The following HNRNPC variants were observed in gnomAD, a reference collection of about 807,000 sequenced individuals.
HNRNPC encodes the protein heterogeneous nuclear ribonucleoproteins C1/C2.
HNRNPC carries 3 observed loss-of-function variants against 33.2 expected under a neutral mutation model. That is an observed-to-expected ratio of 0.09 (90% CI 0.04 to 0.23). HNRNPC has a LOEUF of 0.23. Ranked by LOEUF, HNRNPC falls within the 10% of genes least tolerant of loss-of-function variation. The pLI is 1.00. For missense variants in HNRNPC, 143 were observed against 366.7 expected (o/e 0.39, Z 4.98); for synonymous variants, 121 against 126.7 (o/e 0.96, Z 0.30).
At chr14:21,212,110 T>C (rs1891673967) in intron 6 of HNRNPC, 187 bp from the exon 7 acceptor site, 1 of 555,146 alleles carries the variant, frequency 1.8e-6, no homozygotes, top group Non-Finnish European at 3.2e-6. Flanking sequence ...TGGTTTTTAT[T>C]GTTTTTAATG....
At chr14:21,265,801 C>G (rs538281096) in intron 1 of HNRNPC, among the ~76,000 whole-genome samples, 151 of 152,266 alleles carry the variant, frequency 9.9e-4, no homozygotes, top group African/African-American at 3.3e-3. Flanking sequence ...TTACCTAAAG[C>G]TCAGAGATAG....
intron 2 of HNRNPC, among the ~76,000 whole-genome samples, chr14:21,252,936 G>C (rs1896827601): frequency 6.6e-6 from 1 of 152,166 alleles, no homozygotes; most frequent in African/African-American, 2.4e-5. Context: ...AGCACTTTGG[G>C]AGGCCGAGGC....
intron 1 of HNRNPC, chr14:21,263,723 TA>T (rs1878552451): frequency 6.6e-6 from 1 of 152,168 alleles, no homozygotes; most frequent in Admixed American, 6.5e-5. Flanking sequence ...AATGTCTTTA[TA>T]AAATCAGTTT....
chr14:21,212,657 C>T (rs1891745283), intron 6 of HNRNPC, among the ~76,000 whole-genome samples: 1 of 152,048 alleles, frequency 6.6e-6, no homozygotes, highest in Non-Finnish European at 1.5e-5. Context: ...ATTCTCCTGC[C>T]TCAGCCTCCC....
At chr14:21,211,616 C>G (rs10145423) in intron 7 of HNRNPC, 50 bp from the exon 8 acceptor site, 5 of 1,562,110 alleles carry the variant, frequency 3.2e-6, no homozygotes, top group Non-Finnish European at 2.6e-6. Context: ...GTCCACAGGA[C>G]GTAGACAATC....
intron 5 of HNRNPC, 182 bp from the exon 6 acceptor site, chr14:21,213,299 T>C (rs926595254): frequency 8.4e-6 from 5 of 595,328 alleles, no homozygotes; most frequent in Admixed American, 6.4e-5. Context: ...CATTATTTCT[T>C]TACCTAGGCA....
chr14:21,253,205 G>A (rs1182571968), intron 2 of HNRNPC, among the ~76,000 whole-genome samples: 7 of 127,264 alleles, frequency 5.5e-5, no homozygotes, highest in Non-Finnish European at 1.0e-4. Flanking sequence ...GGCCAGGCGC[G>A]GTGGCTCACG....
chr14:21,211,441 C>T lies in HNRNPC; in HGVS notation c.763G>A (p.Asp255Asn). ...DDSAEEGDLL[D>N]DDDNEDRGDD... ...CCCCGATCTTCATTATCATCATCAT[C>T]CAGTAGGTCCCCCTCCTCAGCAGAG... is the stretch of plus-strand genomic sequence containing the variant. The change falls in exon 8 of 9, where the codon GAT becomes AAT. Residue 255 changes from aspartate (D) to asparagine (N), a missense_variant. Asp to Asn is a conservative substitution (Grantham distance 23, BLOSUM62 1). This residue lies in a region of HNRNPC where 131 missense variants were observed against 253.0 expected (regional missense o/e 0.52). Coordinates refer to ENST00000553300, the MANE Select transcript of HNRNPC (RefSeq NM_004500.4). The T allele has an allele frequency of 6.3e-7, 1 of 1,589,472 alleles. No individual in the cohort carries two copies. Among genetic ancestry groups the T allele is most frequent in the Non-Finnish European group, 8.6e-7 (1 of 1,166,316 alleles).
In HNRNPC at chr14:21,231,298, T is replaced by C. The variant is rs1328337971; in HGVS notation, c.242-226A>G. The C allele has an allele frequency of 4.7e-6, 3 of 641,408 alleles. No homozygotes were observed. The African/African-American group carries it at 5.4e-5, about 11-fold the overall frequency. The allele number at this position is 641,408 out of a possible 1,614,324, so 39.7% of individuals were successfully genotyped here. A position where few individuals can be genotyped will look rare whatever the true frequency, so the allele number is the denominator to read the frequency against. On this transcript the variant is annotated intron_variant, in intron 3 of 8. Coordinates refer to ENST00000553300, the MANE Select transcript of HNRNPC (RefSeq NM_004500.4). ...ACAGGCGGGCACCACCATGCCCAGC[T>C]AATACAAACTACGAAGTTTAGAAAA... is the stretch of plus-strand genomic sequence containing the variant.
intron 1 of HNRNPC, chr14:21,264,433 A>G (rs1376362471): frequency 1.3e-5 from 2 of 152,224 alleles, no homozygotes; most frequent in African/African-American, 4.8e-5. Context: ...TGGAATTAAA[A>G]AAATACTGAA....
intron 2 of HNRNPC, among the ~76,000 whole-genome samples, chr14:21,247,252 TAATCACTAAA>T (rs1896082948): frequency 6.6e-6 from 1 of 152,106 alleles, no homozygotes; most frequent in East Asian, 1.9e-4. Flanking sequence ...ACCTAGTTCA[TAATCACTAAA>T]GATCACATAT....
intron 2 of HNRNPC, 163 bp downstream of exon 2, chr14:21,263,148 C>T (rs1003426344): frequency 6.6e-6 from 1 of 152,196 alleles, no homozygotes; most frequent in African/African-American, 2.4e-5. Flanking sequence ...CAGAAAAACT[C>T]GATTTTAATC....
At chr14:21,245,421 C>G (rs1201276827) in intron 2 of HNRNPC, among the ~76,000 whole-genome samples, 1 of 152,012 alleles carries the variant, frequency 6.6e-6, no homozygotes, top group Non-Finnish European at 1.5e-5. Context: ...CGCTTGAACC[C>G]GGGGGGTGGA....
At chr14:21,245,574 T>C (rs1895892318) in intron 2 of HNRNPC, among the ~76,000 whole-genome samples, 2 of 152,138 alleles carry the variant, frequency 1.3e-5, no homozygotes, top group South Asian at 2.1e-4. Context: ...GGACTGAACG[T>C]TGCTTTTGGT....
chr14:21,239,342 T>C (rs531787082), intron 2 of HNRNPC, among the ~76,000 whole-genome samples: 1 of 151,984 alleles, frequency 6.6e-6, no homozygotes, highest in South Asian at 2.1e-4. Flanking sequence ...TAGCGGGGTA[T>C]GGTGGCACAC....
At chr14:21,252,848 T>C (rs1430668948) in intron 2 of HNRNPC, among the ~76,000 whole-genome samples, 1 of 152,114 alleles carries the variant, frequency 6.6e-6, no homozygotes, top group Non-Finnish European at 1.5e-5. Flanking sequence ...ATTATACTAT[T>C]CTCTTTTGTG....
At chr14:21,220,563 A>C (rs1481366123) in intron 5 of HNRNPC, among the ~76,000 whole-genome samples, 1 of 152,186 alleles carries the variant, frequency 6.6e-6, no homozygotes, top group Non-Finnish European at 1.5e-5. Context: ...GCTATATACA[A>C]TGCCTCACAG....
At chr14:21,211,741 C>CA in intron 7 of HNRNPC, 69 bp downstream of exon 7, 1 of 1,465,708 alleles carries the variant, frequency 6.8e-7, no homozygotes, top group Non-Finnish European at 9.5e-7. Context: ...ACTATTCCAA[C>CA]ATGTACTTTC....
In HNRNPC at chr14:21,254,428, G is replaced by A. The variant is rs187075155; in HGVS notation, c.-37+8883C>T. On this transcript the variant is annotated intron_variant, in intron 2 of 8. Coordinates refer to ENST00000553300, the MANE Select transcript of HNRNPC (RefSeq NM_004500.4). ...ACAGTGCTTTTTGAAGTTTATATAA[G>A]CCCCAAAAAGCCTGGAAGAACACCC... 3 of 152,050 alleles carry A rather than the reference G, an allele frequency of 2.0e-5. No homozygotes were observed. The East Asian group carries it at 5.8e-4, about 29-fold the overall frequency. 9.4% of individuals were successfully genotyped at this position (152,050 alleles called of 1,614,324 possible). A position where few individuals can be genotyped will look rare whatever the true frequency, so the allele number is the denominator to read the frequency against.
Sources: gnomAD v4.1 joint callset for allele counts (sites outside exome capture counted in the v4.1 genomes callset) on GRCh38, gnomAD v4.1.1 for gene constraint, gnomAD v4.1.1 regional missense constraint, MANE v1.5 for transcripts, NCBI Gene and HGNC (gene_info 2026-07-23, HGNC 2026-07-21) for gene names.